DST: variants seen among roughly 807,000 people sequenced by gnomAD.
DST encodes the protein dystonin, also known as bullous pemphigoid antigen.
A neutral mutation model predicts 875.2 loss-of-function variants in DST; 253 were observed. The ratio of observed to expected loss-of-function variants is 0.29; its 90% CI spans 0.26 to 0.32. The LOEUF (loss-of-function observed/expected upper bound fraction) is 0.32, where lower values mean the gene tolerates loss of function less well. Among genes scored for constraint, DST ranks in the 10% least tolerant of loss-of-function variants. DST has a pLI of 1.00. For missense variants in DST, 8,287 were observed against 9,111.6 expected, an observed-to-expected ratio of 0.91 and a Z score of 3.68; for synonymous variants, 3,124 against 3,197.1, an observed-to-expected ratio of 0.98 and a Z score of 0.77.
At chr6:56,919,713 A>G (rs1288497277) in intron 2 of DST, among the ~76,000 whole-genome samples, 1 of 152,114 alleles carries the variant, frequency 6.6e-6, no homozygotes, top group Admixed American at 6.6e-5. Context: ...TTGGGAGGCC[A>G]AGGCAGGCAT....
intron 28 of DST, 88 bp from the exon 29 acceptor site, chr6:56,632,128 C>G: frequency 1.0e-6 from 1 of 968,158 alleles, no homozygotes; most frequent in Non-Finnish European, 1.6e-6. Context: ...TTTTATATTA[C>G]TGGGACACAG....
Position 56,608,327 on chromosome 6 carries a change from G to A in DST, c.6301C>T (p.Leu2101=). 6.2e-7 allele frequency: 1 copy of A among 1,612,800 alleles called. No individual in the cohort carries two copies. Among genetic ancestry groups the A allele is most frequent in the Non-Finnish European group, 8.5e-7 (1 of 1,179,780 alleles). The change falls in exon 40 of 104, where the codon CTG becomes TTG. Residue 2101 remains leucine, a synonymous_variant. Coordinates refer to ENST00000680361, the MANE Select transcript of DST (RefSeq NM_001374736.1). ...LITNELAYKI[L]NGRQKIAALY... is the part of the protein sequence containing the mutation. ...GCAGCTATTTTTTGTCTGCCATTCA[G>A]GATTTTGTAGGCCAATTCATTTGTA...
At chr6:56,670,460 A>C (rs2099095793) in intron 10 of DST, 181 bp downstream of exon 10, 1 of 433,264 alleles carries the variant, frequency 2.3e-6, no homozygotes, top group African/African-American at 2.1e-5. Flanking sequence ...TGGCTTCCCT[A>C]AGTCCTGGGA....
At chr6:56,751,555 G>A (rs918812170) in intron 4 of DST, among the ~76,000 whole-genome samples, 1 of 152,108 alleles carries the variant, frequency 6.6e-6, no homozygotes, top group African/African-American at 2.4e-5. Flanking sequence ...GCTGGTGTCA[G>A]CTTGAACATA....
chr6:56,605,161 T>C lies in DST; in HGVS notation c.9467A>G (p.Asp3156Gly), dbSNP rs1040298651. The C allele has an allele frequency of 6.2e-7, 1 of 1,612,388 alleles. No homozygotes were observed. Among genetic ancestry groups the C allele is most frequent in the Admixed American group, 1.7e-5 (1 of 59,746 alleles). ...TGTATTCCCTTCCCACGATGTAATG[T>C]CTGAAGTAATGTCATCACTAATCTC... Reference protein sequence around the residue: ...SKEISDDITSDITSWEGNTHF... With the variant: ...SKEISDDITSGITSWEGNTHF... Residue 3156 changes from aspartate (D) to glycine (G), a missense_variant, in exon 40 of 104, where the codon GAC becomes GGC. Around this residue, in one of 10 missense-constraint regions of DST, gnomAD observed 3,138 missense variants for 3,116.6 expected, o/e 1.01. Coordinates refer to ENST00000680361, the MANE Select transcript of DST (RefSeq NM_001374736.1).
At chr6:56,844,421 C>T (rs1042139226) in intron 4 of DST, among the ~76,000 whole-genome samples, 2 of 152,216 alleles carry the variant, frequency 1.3e-5, no homozygotes, top group Non-Finnish European at 2.9e-5. Context: ...CTGCTCTCTC[C>T]TTATTATTCA....
intron 3 of DST, among the ~76,000 whole-genome samples, chr6:56,859,986 T>A (rs867874582): frequency 3.3e-5 from 5 of 152,322 alleles, no homozygotes; most frequent in Middle Eastern, 3.4e-3. Flanking sequence ...TATCCAAAAC[T>A]ATTCACTGCT....
chr6:56,622,948 G>A (rs2098703787), intron 36 of DST, among the ~76,000 whole-genome samples: 1 of 152,176 alleles, frequency 6.6e-6, no homozygotes. Context: ...GGTTTTTCAT[G>A]TGGGTCTTCA....
chr6:56,824,327 C>A (rs929902318), intron 4 of DST, among the ~76,000 whole-genome samples: 23 of 152,224 alleles, frequency 1.5e-4, no homozygotes, highest in Non-Finnish European at 2.4e-4. Flanking sequence ...GGTACCCAGG[C>A]TGGAATGCAG....
chr6:56,615,736 T>A, intron 36 of DST: 1 of 1,614,202 alleles, frequency 6.2e-7, no homozygotes. Flanking sequence ...GGAGAGCCTC[T>A]TCTATTGATA....
chr6:56,657,196 C>T lies in DST; in HGVS notation c.1215-5952G>A, dbSNP rs188113620. 3.0e-4 allele frequency among the ~76,000 whole-genome samples: 45 copies of T among 152,104 alleles called. No individual in the cohort carries two copies. The South Asian group carries it at 4.6e-3, about 15-fold the overall frequency. ...ACAATGTCATCAGGCAATTATATAA[C>T]GACACAAACAAAAGCACCCACAAGC... On this transcript the variant is annotated intron_variant, in intron 10 of 103. Transcript: ENST00000680361.
Position 56,616,203 on chromosome 6 carries a change from C to T in DST, c.4930-1719G>A, listed in dbSNP as rs2152729398. The T allele has an allele frequency of 4.3e-6, 7 of 1,614,170 alleles. No individual in the cohort carries two copies. Among genetic ancestry groups the T allele is most frequent in the Non-Finnish European group, 5.1e-6 (6 of 1,180,032 alleles). On this transcript the variant is annotated intron_variant, in intron 36 of 103. Transcript: ENST00000680361. ...AGTTCTGTAAGTGTGATGAGGCCTT[C>T]CTGATACTTTTTGACCAAGGCTTTG... is the stretch of plus-strand genomic sequence containing the variant.
chr6:56,581,326 G>A (rs1409146957), intron 49 of DST, among the ~76,000 whole-genome samples: 12 of 151,700 alleles, frequency 7.9e-5, no homozygotes, highest in Admixed American at 5.3e-4. Context: ...GTGATGGGGA[G>A]AGAAGAAAAA....
At chr6:56,933,374 C>T (rs560364870) in intron 2 of DST, among the ~76,000 whole-genome samples, 3 of 152,328 alleles carry the variant, frequency 2.0e-5, no homozygotes, top group South Asian at 2.1e-4. Context: ...TTTAAGAACT[C>T]GACTTGCAAG....
At chr6:56,870,431 C>G in intron 3 of DST, among the ~76,000 whole-genome samples, 1 of 51,370 alleles carries the variant, frequency 1.9e-5, no homozygotes, top group East Asian at 4.8e-4. Flanking sequence ...CTTGCAACTG[C>G]AAAAAAAAAA....
chr6:56,897,042 G>C (rs927927075), intron 3 of DST, among the ~76,000 whole-genome samples: 2 of 152,134 alleles, frequency 1.3e-5, no homozygotes, highest in African/African-American at 4.8e-5. Flanking sequence ...CTTTGCCTAA[G>C]CCAATGTCTA....
chr6:56,742,267 T>C, intron 4 of DST: 1 of 1,285,452 alleles, frequency 7.8e-7, no homozygotes, highest in Non-Finnish European at 1.0e-6. Context: ...GTGATACTAC[T>C]AACCCATACA....
chr6:56,561,666 C>A, intron 56 of DST, 117 bp from the exon 57 acceptor site: 1 of 956,944 alleles, frequency 1.0e-6, no homozygotes, highest in Non-Finnish European at 1.5e-6. Context: ...CATTATTAAG[C>A]CTAGTAGATA....
Position 56,615,912 on chromosome 6 carries a change from G to A in DST, c.4930-1428C>T, listed in dbSNP as rs1388446619. Reference sequence around the variant, plus strand: ...ATCCCTGTGATTACTAATTCACACTGTCGCAGCTGCTGGGCAAACCCCTCA... The same window carrying A: ...ATCCCTGTGATTACTAATTCACACTATCGCAGCTGCTGGGCAAACCCCTCA... On this transcript the variant is annotated intron_variant, in intron 36 of 103. Coordinates refer to ENST00000680361, the MANE Select transcript of DST (RefSeq NM_001374736.1). 1.1e-5 allele frequency: 18 copies of A among 1,614,046 alleles called. No homozygotes were observed. Among genetic ancestry groups the A allele is most frequent in the Non-Finnish European group, 1.3e-5 (15 of 1,180,048 alleles).
Sources: gnomAD v4.1 joint callset for allele counts (sites outside exome capture counted in the v4.1 genomes callset) on GRCh38, gnomAD v4.1.1 for gene constraint, gnomAD v4.1.1 regional missense constraint, MANE v1.5 for transcripts, NCBI Gene and HGNC (gene_info 2026-07-23, HGNC 2026-07-21) for gene names.